COMMD10: variants seen among roughly 807,000 people sequenced by gnomAD.
The protein encoded by COMMD10 is COMM domain-containing protein 10.
A neutral mutation model predicts 28.9 loss-of-function variants in COMMD10; 33 were observed. The ratio of observed to expected loss-of-function variants is 1.14; its 90% confidence interval spans 0.87 to 1.53. COMMD10 has a LOEUF of 1.53. Among genes scored for constraint, COMMD10 ranks in the 40% most tolerant of loss-of-function variants. The pLI is 0.00. For synonymous variants in COMMD10, 110 were observed against 81.7 expected (o/e 1.35, Z -1.87); for missense variants, 310 against 233.4 (o/e 1.33, Z -2.14).
intron 4 of COMMD10, among the ~76,000 whole-genome samples, chr5:116,111,315 GT>G (rs1409927034): frequency 6.6e-6 from 1 of 150,632 alleles, no homozygotes; most frequent in African/African-American, 2.4e-5. Flanking sequence ...CTAATTTTGT[GT>G]TTGGTTCGTT....
chr5:116,136,065 T>C (rs1234604920), intron 5 of COMMD10, among the ~76,000 whole-genome samples: 1 of 152,210 alleles, frequency 6.6e-6, no homozygotes, highest in Non-Finnish European at 1.5e-5. Context: ...TAAAACTTTT[T>C]TGTTTTTGGC....
At chr5:116,225,722 G>A (rs954382998) in intron 5 of COMMD10, among the ~76,000 whole-genome samples, 1 of 151,918 alleles carries the variant, frequency 6.6e-6, no homozygotes, top group Non-Finnish European at 1.5e-5. Flanking sequence ...CATCAAGCCT[G>A]TCTAGATTCA....
intron 4 of COMMD10, among the ~76,000 whole-genome samples, chr5:116,115,669 A>C (rs965051039): frequency 6.6e-6 from 1 of 152,196 alleles, no homozygotes; most frequent in Non-Finnish European, 1.5e-5. Flanking sequence ...TGCTATGTTT[A>C]ATTTTATTCC....
At chr5:116,208,650 C>G (rs1224021752) in intron 5 of COMMD10, among the ~76,000 whole-genome samples, 2 of 152,132 alleles carry the variant, frequency 1.3e-5, no homozygotes, top group African/African-American at 2.4e-5. Context: ...TGGAGGTGAG[C>G]ACAAGCTTCC....
Position 116,271,358 on chromosome 5 carries a change from C to T in COMMD10, c.511-20159C>T, listed in dbSNP as rs538422063. On this transcript the variant is annotated intron_variant, in intron 5 of 6. Coordinates refer to ENST00000274458, the MANE Select transcript of COMMD10 (RefSeq NM_016144.4). ...TTATATTTATGATTATATAAAATTC[C>T]TATATCTTTATATTATCATTTCCAT... Among the ~76,000 whole-genome samples the T allele has an allele frequency of 4.1e-5, 6 of 147,104 alleles. No individual in the cohort carries two copies. In the East Asian group the frequency reaches 5.9e-4, roughly 15 times the overall value.
At chr5:116,165,096 ATGCTGTT>A (rs1753046776) in intron 5 of COMMD10, among the ~76,000 whole-genome samples, 1 of 152,190 alleles carries the variant, frequency 6.6e-6, no homozygotes, top group Admixed American at 6.5e-5. Flanking sequence ...ACATATCCTT[ATGCTGTT>A]GAGGCCTGAA....
intron 5 of COMMD10, among the ~76,000 whole-genome samples, chr5:116,150,282 A>T (rs1273429345): frequency 6.6e-6 from 1 of 152,146 alleles, no homozygotes; most frequent in Non-Finnish European, 1.5e-5. Flanking sequence ...GTTTGAAGTC[A>T]GGTAGTGTGA....
intron 5 of COMMD10, among the ~76,000 whole-genome samples, chr5:116,229,404 C>G (rs1423058374): frequency 2.0e-5 from 3 of 152,016 alleles, no homozygotes; most frequent in Non-Finnish European, 4.4e-5. Flanking sequence ...AATTTACCTT[C>G]TTCTGGCAAG....
intron 5 of COMMD10, among the ~76,000 whole-genome samples, chr5:116,202,125 GA>G (rs1748684710): frequency 6.8e-6 from 1 of 147,238 alleles, no homozygotes; most frequent in African/African-American, 2.5e-5. Flanking sequence ...CTATGAATGA[GA>G]ACATGCAGTG....
chr5:116,088,430 TA>T (rs1430213512), intron 2 of COMMD10, among the ~76,000 whole-genome samples: 1 of 152,236 alleles, frequency 6.6e-6, no homozygotes, highest in East Asian at 1.9e-4. Context: ...TAATACTATG[TA>T]AATTACTTTC....
intron 5 of COMMD10, among the ~76,000 whole-genome samples, chr5:116,291,202 G>T (rs1751350377): frequency 6.6e-6 from 1 of 152,072 alleles, no homozygotes; most frequent in Admixed American, 6.6e-5. Context: ...TGAGAAAGAT[G>T]AAATATAATC....
chr5:116,096,792 A>G (rs753891503), intron 4 of COMMD10, among the ~76,000 whole-genome samples: 4 of 151,944 alleles, frequency 2.6e-5, no homozygotes, highest in Admixed American at 6.6e-5. Flanking sequence ...AGTGTCTTCT[A>G]TGTCATTGCT....
chr5:116,239,298 G>C (rs971045241), intron 5 of COMMD10, among the ~76,000 whole-genome samples: 5 of 152,124 alleles, frequency 3.3e-5, no homozygotes, highest in African/African-American at 1.2e-4. Flanking sequence ...TCTCCCATCA[G>C]AACTTTGATT....
intron 5 of COMMD10, among the ~76,000 whole-genome samples, chr5:116,286,138 G>C (rs1751213372): frequency 6.6e-6 from 1 of 151,618 alleles, no homozygotes; most frequent in Non-Finnish European, 1.5e-5. Context: ...TATTCAACTT[G>C]TTAGCAAACA....
At chr5:116,117,874 C>A (rs908317715) in intron 4 of COMMD10, among the ~76,000 whole-genome samples, 1 of 151,922 alleles carries the variant, frequency 6.6e-6, no homozygotes, top group African/African-American at 2.4e-5. Context: ...AGGCTATTTC[C>A]CAACCATTAC....
At chr5:116,092,800 G>C in intron 4 of COMMD10, 100 bp downstream of exon 4, 1 of 836,188 alleles carries the variant, frequency 1.2e-6, no homozygotes, top group Non-Finnish European at 1.7e-6. Context: ...TTGAGAGGTA[G>C]AGTCAGGCAA....
At chr5:116,264,359 A>G (rs1750527175) in intron 5 of COMMD10, among the ~76,000 whole-genome samples, 1 of 151,876 alleles carries the variant, frequency 6.6e-6, no homozygotes. Flanking sequence ...TAGTAGTTAC[A>G]AAAATTACTG....
chr5:116,194,253 T>C (rs1201945396), intron 5 of COMMD10, among the ~76,000 whole-genome samples: 1 of 151,788 alleles, frequency 6.6e-6, no homozygotes, highest in Admixed American at 6.6e-5. Flanking sequence ...AAGGTCACAC[T>C]TCAAGGAACT....
At chr5:116,135,175 A>T (rs944834889) in intron 5 of COMMD10, among the ~76,000 whole-genome samples, 2 of 152,150 alleles carry the variant, frequency 1.3e-5, no homozygotes, top group East Asian at 3.9e-4. Flanking sequence ...ACAAAATAGA[A>T]TTGAGAATGA....
Sources: gnomAD v4.1 joint callset for allele counts (sites outside exome capture counted in the v4.1 genomes callset) on GRCh38, gnomAD v4.1.1 for gene constraint, MANE v1.5 for transcripts, NCBI Gene and HGNC (gene_info 2026-07-23, HGNC 2026-07-21) for gene names.